Variants in DHRS12 observed in about 807,000 individuals in gnomAD.
The protein encoded by DHRS12 is dehydrogenase/reductase 12.
Under a neutral mutation model 32.1 loss-of-function variants are expected in DHRS12, and 29 were observed. The observed-to-expected ratio is 0.90, with a 90% CI of 0.67 to 1.23. The LOEUF (loss-of-function observed/expected upper bound fraction) is 1.23. Ranked by LOEUF, DHRS12 falls within the 50% of genes most tolerant of loss-of-function variation. The pLI, the probability that DHRS12 is intolerant of heterozygous loss-of-function variation, is 0.00. For missense variants in DHRS12, 330 were observed against 337.2 expected, an observed-to-expected ratio of 0.98 and a Z score of 0.17; for synonymous variants, 150 against 135.9, an observed-to-expected ratio of 1.10 and a Z score of -0.72.
intron 1 of DHRS12, among the ~76,000 whole-genome samples, chr13:51,802,277 A>G (rs778338813): frequency 6.6e-6 from 1 of 152,036 alleles, no homozygotes; most frequent in Non-Finnish European, 1.5e-5. Context: ...CCTCGGTGCC[A>G]AAGGGCAGTC....
Position 51,773,852 on chromosome 13 carries a change from C to T in DHRS12, c.468+78G>A, listed in dbSNP as rs570858884. The T allele has an allele frequency of 1.9e-5, 24 of 1,242,108 alleles. 1 individual carries two copies. The South Asian group carries it at 2.9e-4, about 15-fold the overall frequency. 76.9% of individuals were successfully genotyped at this position (1,242,108 alleles called of 1,614,324 possible). On this transcript the variant is annotated intron_variant, in intron 6 of 8. Coordinates refer to ENST00000444610, the MANE Select transcript of DHRS12 (RefSeq NM_001377533.1). ...TACTAAGGTCCGATTAATGTGCATC[C>T]CAGAGTAAGCTTTCCTTGGAAAAGG...
At chr13:51,800,617 C>T (rs1320555487) in intron 1 of DHRS12, among the ~76,000 whole-genome samples, 5 of 152,248 alleles carry the variant, frequency 3.3e-5, no homozygotes, top group African/African-American at 4.8e-5. Flanking sequence ...GAGAGCCCTC[C>T]CACAGGACCT....
chr13:51,771,523 G>A (rs1307713846), intron 7 of DHRS12: 2 of 1,612,750 alleles, frequency 1.2e-6, no homozygotes, highest in Admixed American at 3.3e-5. Context: ...ATGGTCACCG[G>A]CTCCCTCTCT....
At chr13:51,777,720 C>T (rs148718075) in intron 4 of DHRS12, among the ~76,000 whole-genome samples, 131 of 152,242 alleles carry the variant, frequency 8.6e-4, no homozygotes, top group East Asian at 9.6e-4. Flanking sequence ...TTGGGAACAC[C>T]ACCATTCCAT....
At chr13:51,772,902 G>T (rs964313823) in intron 6 of DHRS12, 6 of 985,316 alleles carry the variant, frequency 6.1e-6, no homozygotes, top group Non-Finnish European at 4.8e-6. Flanking sequence ...AGCAAAACTG[G>T]GGCACACCCA....
intron 4 of DHRS12, 192 bp from the exon 5 acceptor site, chr13:51,777,313 T>A: frequency 1.6e-6 from 1 of 612,568 alleles, no homozygotes; most frequent in South Asian, 1.9e-5. Context: ...GGAAGAAAGA[T>A]GCCTTAGAGC....
At chr13:51,800,609 G>A (rs145638297) in intron 1 of DHRS12, among the ~76,000 whole-genome samples, 6 of 152,232 alleles carry the variant, frequency 3.9e-5, no homozygotes, top group African/African-American at 4.8e-5. Flanking sequence ...CAGATGCTGA[G>A]AGCCCTCCCA....
At chr13:51,789,017 A>T (rs1376212412) in intron 4 of DHRS12, among the ~76,000 whole-genome samples, 1 of 152,088 alleles carries the variant, frequency 6.6e-6, no homozygotes, top group Non-Finnish European at 1.5e-5. Flanking sequence ...ATATGAGGAA[A>T]CCCATTTGGC....
chr13:51,770,850 G>A (rs1177128289), intron 7 of DHRS12: 10 of 1,076,220 alleles, frequency 9.3e-6, no homozygotes, highest in Non-Finnish European at 1.1e-6. Context: ...ATTGGCAGCA[G>A]AGTCTTCAGC....
intron 2 of DHRS12, among the ~76,000 whole-genome samples, chr13:51,798,402 G>A (rs1454360663): frequency 6.6e-6 from 1 of 152,204 alleles, no homozygotes; most frequent in East Asian, 1.9e-4. Context: ...TCCATCAGCA[G>A]CCCTCATATT....
intron 2 of DHRS12, 28 bp from the exon 3 acceptor site, chr13:51,791,285 ACCCTTTTT>A: frequency 8.6e-6 from 10 of 1,169,150 alleles, no homozygotes; most frequent in African/African-American, 1.6e-5. Context: ...AAAAAAAAAA[ACCCTTTTT>A]AAAAAGATAT....
intron 2 of DHRS12, among the ~76,000 whole-genome samples, chr13:51,794,797 T>G (rs1004209396): frequency 3.3e-5 from 5 of 152,096 alleles, no homozygotes; most frequent in South Asian, 2.1e-4. Flanking sequence ...TAGAAGTTTT[T>G]TTTTTTTTTA....
intron 4 of DHRS12, among the ~76,000 whole-genome samples, chr13:51,785,209 CAG>C (rs1373756841): frequency 5.3e-5 from 8 of 152,086 alleles, no homozygotes; most frequent in Non-Finnish European, 8.8e-5. Flanking sequence ...GCCTGGGTGA[CAG>C]AGCGAGACTC....
rs775991407 is a variant in DHRS12 at position 51,777,113 on chromosome 13, T to G, written c.310A>C (p.Ile104Leu). 27 of 1,614,032 alleles carry G rather than the reference T, an allele frequency of 1.7e-5. No individual in the cohort carries two copies. The highest frequency in any genetic ancestry group is 2.1e-5 in the Non-Finnish European group (25 of 1,180,008). Residue 104 changes from isoleucine to leucine, a missense_variant, in exon 5 of 9, where the codon ATT becomes CTT. Physicochemically the swap from Ile to Leu is conservative, Grantham distance 5 (BLOSUM62 2). Transcript: ENST00000444610. Reference protein sequence around the residue: ...NFAANTLGVYILTTGLIPVLE... With the variant: ...NFAANTLGVYLLTTGLIPVLE... ...ACAGGGATCAGGCCGGTCGTGAGAA[T>G]GTACACACCTGAGGCAGCACACAGC...
chr13:51,772,012 A>C, intron 6 of DHRS12, 101 bp from the exon 7 acceptor site: 1 of 1,116,806 alleles, frequency 9.0e-7, no homozygotes. Context: ...CTTACACTGG[A>C]CTCTGCAGTA....
intron 2 of DHRS12, chr13:51,797,804 G>A: frequency 9.8e-6 from 15 of 1,533,906 alleles, no homozygotes; most frequent in Non-Finnish European, 1.3e-5. Context: ...AAACCCAGCA[G>A]GAGGGGTGAG....
At chr13:51,787,386 C>T (rs777288023) in intron 4 of DHRS12, among the ~76,000 whole-genome samples, 30 of 152,054 alleles carry the variant, frequency 2.0e-4, no homozygotes, top group Non-Finnish European at 7.4e-5. Context: ...CTGAGAGGTG[C>T]CCCCAAACCC....
At chr13:51,767,904 A>AATG (rs1271370855), downstream of DHRS12, 4 of 998,522 alleles carry the variant, frequency 4.0e-6, no homozygotes, top group South Asian at 6.7e-5. Flanking sequence ...CTAAGACTGA[A>AATG]ATGATGGTTC....
chr13:51,758,954 G>A, the DHRS12 span, among the ~76,000 whole-genome samples: 3 of 152,116 alleles, frequency 2.0e-5, no homozygotes, highest in African/African-American at 7.2e-5. Context: ...GAGGTGAGAC[G>A]GAGGATCACT....
Sources: gnomAD v4.1 joint callset for allele counts (sites outside exome capture counted in the v4.1 genomes callset) on GRCh38, gnomAD v4.1.1 for gene constraint, MANE v1.5 for transcripts, NCBI Gene and HGNC (gene_info 2026-07-23, HGNC 2026-07-21) for gene names.